Variants in NMNAT3 observed in about 807,000 individuals in gnomAD.
The protein encoded by NMNAT3 is nicotinamide/nicotinic acid mononucleotide adenylyltransferase 3.
In NMNAT3, 21 loss-of-function variants were observed where a neutral mutation model predicts 24.8. The observed-to-expected ratio is 0.85, with a 90% CI of 0.60 to 1.22. The LOEUF (loss-of-function observed/expected upper bound fraction) is 1.22, where lower values mean the gene tolerates loss of function less well. Among genes scored for constraint, NMNAT3 ranks in the 50% most tolerant of loss-of-function variants. The pLI, the probability that NMNAT3 is intolerant of heterozygous loss-of-function variation, is 0.00. For synonymous variants in NMNAT3, 136 were observed against 155.2 expected (o/e 0.88, Z 0.92); for missense variants, 387 against 436.6 (o/e 0.89, Z 1.01).
intron 2 of NMNAT3, chr3:139,634,885 AAAAACTTCACAC>A (rs2056443729): frequency 6.6e-6 from 1 of 152,202 alleles, no homozygotes; most frequent in Non-Finnish European, 1.5e-5. Context: ...GCACTGTGCT[AAAAACTTCACAC>A]ACATCAATGC....
At chr3:139,624,578 A>C (rs1048718803) in intron 3 of NMNAT3, among the ~76,000 whole-genome samples, 2 of 151,732 alleles carry the variant, frequency 1.3e-5, no homozygotes, top group African/African-American at 4.8e-5. Flanking sequence ...CCTTCTGAGT[A>C]GCTGGGATTA....
rs540962646 is a variant in NMNAT3, at chr3:139,654,380, C to T, written c.-140-16318G>A. Among the ~76,000 whole-genome samples, 19 of 152,306 alleles carry T rather than the reference C, an allele frequency of 1.2e-4. No homozygotes were observed. In the East Asian group the frequency reaches 1.4e-3, roughly 11 times the overall value. On this transcript the variant is annotated intron_variant, in intron 1 of 6. Transcript: ENST00000643695. ...CCCACCAGGGAGAGAGAGAGCCAGA[C>T]GCTGGGTTACAAAGCAAGGGCAAAA...
chr3:139,609,327 G>A (rs939882877), intron 3 of NMNAT3, among the ~76,000 whole-genome samples: 3 of 152,194 alleles, frequency 2.0e-5, no homozygotes, highest in African/African-American at 7.2e-5. Flanking sequence ...TTTCCAGAGT[G>A]GCTGTGCCAT....
intron 1 of NMNAT3, among the ~76,000 whole-genome samples, chr3:139,644,345 C>A (rs1576728019): frequency 6.6e-6 from 1 of 152,236 alleles, no homozygotes; most frequent in East Asian, 1.9e-4. Flanking sequence ...TGCAAAAATA[C>A]AATGAACAAT....
intron 6 of NMNAT3, chr3:139,567,577 T>G (rs1217953324): frequency 6.6e-6 from 1 of 152,250 alleles, no homozygotes; most frequent in Non-Finnish European, 1.5e-5. Flanking sequence ...GAAGTGTTGT[T>G]GAATTTTGTC....
intron 6 of NMNAT3, chr3:139,568,215 A>G (rs1937540806): frequency 6.6e-6 from 1 of 151,954 alleles, no homozygotes; most frequent in Admixed American, 6.6e-5. Flanking sequence ...TATTGCGTCT[A>G]TTTGATTCTT....
Position 139,583,458 on chromosome 3 carries a change from C to T in NMNAT3, c.110-250G>A, listed in dbSNP as rs568625491. The T allele has an allele frequency of 5.4e-5, 86 of 1,603,096 alleles. No individual in the cohort carries two copies. In the African/African-American group the frequency reaches 8.7e-4, roughly 16 times the overall value. On this transcript the variant is annotated intron_variant, in intron 3 of 6. Transcript: ENST00000643695. ...CCACTTTGCTGAGCTTTTTGAAGAA[C>T]TTCTTGAGATGCTAAACATAAGTTT...
chr3:139,653,295 C>A (rs921850246), intron 1 of NMNAT3, among the ~76,000 whole-genome samples: 1 of 151,688 alleles, frequency 6.6e-6, no homozygotes, highest in African/African-American at 2.4e-5. Flanking sequence ...CTCAATGTGC[C>A]ATGGAATAAT....
At chr3:139,656,019 C>G (rs2057229358) in intron 1 of NMNAT3, among the ~76,000 whole-genome samples, 1 of 152,208 alleles carries the variant, frequency 6.6e-6, no homozygotes, top group Non-Finnish European at 1.5e-5. Context: ...TCAGATGCAT[C>G]CAAGCAACTA....
At chr3:139,586,576 G>A (rs921460735) in intron 3 of NMNAT3, among the ~76,000 whole-genome samples, 3 of 152,148 alleles carry the variant, frequency 2.0e-5, no homozygotes, top group Non-Finnish European at 4.4e-5. Flanking sequence ...GAACCCAGCT[G>A]AGAGCAAGGA....
At chr3:139,644,782 A>G (rs2056815921) in intron 1 of NMNAT3, among the ~76,000 whole-genome samples, 1 of 152,242 alleles carries the variant, frequency 6.6e-6, no homozygotes, top group Non-Finnish European at 1.5e-5. Flanking sequence ...GAGTGAACAC[A>G]TACGTGGTCA....
intron 2 of NMNAT3, chr3:139,636,131 C>T (rs546251143): frequency 1.1e-4 from 17 of 152,284 alleles, no homozygotes; most frequent in Middle Eastern, 3.4e-3. Flanking sequence ...TCTTCAAAGC[C>T]ACCATTATTT....
chr3:139,615,040 T>C (rs1163267334), intron 3 of NMNAT3, among the ~76,000 whole-genome samples: 1 of 152,254 alleles, frequency 6.6e-6, no homozygotes, highest in African/African-American at 2.4e-5. Context: ...TAAATCAGTT[T>C]AGACTCATAG....
rs141142401 is a variant in NMNAT3, at chr3:139,620,771, T to C, written c.109+6845A>G. Among the ~76,000 whole-genome samples, 856 of 152,280 alleles carry C rather than the reference T, an allele frequency of 5.6e-3. 13 individuals are homozygous for C. Among genetic ancestry groups the C allele is most frequent in the African/African-American group, 0.019 (799 of 41,554 alleles). On this transcript the variant is annotated intron_variant, in intron 3 of 6. Coordinates refer to ENST00000643695, the MANE Select transcript of NMNAT3 (RefSeq NM_001320510.2). Reference sequence around the variant, plus strand: ...CTCTGTTGTCCTGATATCACCGTCTTATAACTCCACATCTTGTCCCACTAG... The same window carrying C: ...CTCTGTTGTCCTGATATCACCGTCTCATAACTCCACATCTTGTCCCACTAG...
At chr3:139,562,139 A>G (rs1257714395) in intron 6 of NMNAT3, among the ~76,000 whole-genome samples, 1 of 130,050 alleles carries the variant, frequency 7.7e-6, no homozygotes, top group African/African-American at 2.5e-5. Context: ...TTATGAGGTG[A>G]GTATTGTGCC....
Position 139,670,249 on chromosome 3 carries a change from G to A in NMNAT3, c.-141+7456C>T, listed in dbSNP as rs576494412. Among the ~76,000 whole-genome samples, 34 of 152,306 alleles carry A rather than the reference G, an allele frequency of 2.2e-4. 1 individual carries two copies. Among genetic ancestry groups the A allele is most frequent in the African/African-American group, 8.2e-4 (34 of 41,564 alleles). On this transcript the variant is annotated intron_variant, in intron 1 of 6. Transcript: ENST00000643695. ...GTCAGTGCCATGCCCTGAGCCCCAG[G>A]CCTCATCGTCTTAGAGCAAGCCAGC...
chr3:139,653,157 T>C (rs1023230115), intron 1 of NMNAT3, among the ~76,000 whole-genome samples: 2 of 152,210 alleles, frequency 1.3e-5, no homozygotes, highest in Non-Finnish European at 2.9e-5. Flanking sequence ...TATCATTTTC[T>C]GTGCCTACTC....
Position 139,561,063 on chromosome 3 carries a change from C to T in NMNAT3, c.988G>A (p.Gly330Ser). Residue 330 changes from glycine (G) to serine (S), a missense_variant, in exon 7 of 7, where the codon GGC becomes AGC. Physicochemically the swap from Gly to Ser is moderately conservative, Grantham distance 56. Coordinates refer to ENST00000643695, the MANE Select transcript of NMNAT3 (RefSeq NM_001320510.2). ...GTGCTTTTGCCTTTCCAGGTACTGC[C>T]CTTGGTGTAGAGGCCATGGTCCTTG... is the stretch of plus-strand genomic sequence containing the variant. The T allele has an allele frequency of 3.1e-6, 5 of 1,613,966 alleles. No individual in the cohort carries two copies. The highest frequency in any genetic ancestry group is 1.7e-4 in the Middle Eastern group (1 of 5,974).
intron 3 of NMNAT3, among the ~76,000 whole-genome samples, chr3:139,596,235 A>T (rs1393201828): frequency 1.3e-5 from 2 of 152,142 alleles, no homozygotes; most frequent in African/African-American, 4.8e-5. Context: ...TTGCTCACGG[A>T]GAAAGGATAA....
Sources: gnomAD v4.1 joint callset for allele counts (sites outside exome capture counted in the v4.1 genomes callset) on GRCh38, gnomAD v4.1.1 for gene constraint, MANE v1.5 for transcripts, NCBI Gene and HGNC (gene_info 2026-07-23, HGNC 2026-07-21) for gene names.